DYNC1LI1: variants seen among roughly 807,000 people sequenced by gnomAD.
The protein encoded by DYNC1LI1 is dynein cytoplasmic 1 light intermediate chain 1.
In DYNC1LI1, 19 loss-of-function variants were observed where a neutral mutation model predicts 63.8. That is an observed-to-expected ratio of 0.30 (90% CI 0.21 to 0.44). The LOEUF is 0.44. DYNC1LI1 is among the 20% of genes least tolerant of loss of function. The probability of loss-of-function intolerance (pLI) is 1.00; values close to 1 mark genes in which losing one functional copy is unlikely to be tolerated. For synonymous variants in DYNC1LI1, 225 were observed against 232.3 expected, an observed-to-expected ratio of 0.97 and a Z score of 0.28; for missense variants, 565 against 630.2, an observed-to-expected ratio of 0.90 and a Z score of 1.11.
At chr3:32,545,661 A>C in intron 3 of DYNC1LI1, 188 bp downstream of exon 3, 1 of 592,368 alleles carries the variant, frequency 1.7e-6, no homozygotes, top group Non-Finnish European at 3.0e-6. Context: ...TAAGATGCTT[A>C]AAAGTATCAT....
At chr3:32,543,882 T>C (rs1249436297) in intron 4 of DYNC1LI1, among the ~76,000 whole-genome samples, 1 of 149,806 alleles carries the variant, frequency 6.7e-6, no homozygotes, top group Non-Finnish European at 1.5e-5. Context: ...CTGGGCAACA[T>C]GGCAAAACCC....
chr3:32,557,042 C>T (rs1348589164), intron 2 of DYNC1LI1, among the ~76,000 whole-genome samples: 1 of 152,168 alleles, frequency 6.6e-6, no homozygotes, highest in Non-Finnish European at 1.5e-5. Context: ...CTTAGGAAAA[C>T]TTTTTCTAGC....
intron 8 of DYNC1LI1, chr3:32,532,422 T>C (rs1401523228): frequency 6.8e-6 from 1 of 147,388 alleles, no homozygotes; most frequent in African/African-American, 2.5e-5. Flanking sequence ...GCTGAGATCA[T>C]GCCATTTTAC....
chr3:32,556,550 C>G (rs1455266662), intron 2 of DYNC1LI1, among the ~76,000 whole-genome samples: 1 of 151,968 alleles, frequency 6.6e-6, no homozygotes, highest in Non-Finnish European at 1.5e-5. Flanking sequence ...CTTCTTGTTT[C>G]TCTGTTTTGT....
At chr3:32,552,696 CTGTTGTTGT>C (rs537165508) in intron 2 of DYNC1LI1, among the ~76,000 whole-genome samples, 4 of 151,906 alleles carry the variant, frequency 2.6e-5, no homozygotes, top group African/African-American at 4.8e-5. Context: ...TATACTTTTG[CTGTTGTTGT>C]TGTTGTTGTT....
rs1178579356 is a variant in DYNC1LI1 at position 32,553,422 on chromosome 3, T to A, written c.221-7457A>T. On this transcript the variant is annotated intron_variant, in intron 2 of 12. Coordinates refer to ENST00000273130, the MANE Select transcript of DYNC1LI1 (RefSeq NM_016141.4). ...CAAAAATTGATCCAAGTTTCACAAA[T>A]CCCTAAATGCAGGATACAAATTTCG... Among the ~76,000 whole-genome samples, 4 of 152,046 alleles carry A rather than the reference T, an allele frequency of 2.6e-5. No individual in the cohort carries two copies. In the South Asian group the frequency reaches 8.3e-4, roughly 32 times the overall value.
intron 2 of DYNC1LI1, among the ~76,000 whole-genome samples, chr3:32,558,660 A>G (rs1698149317): frequency 6.6e-6 from 1 of 152,100 alleles, no homozygotes; most frequent in African/African-American, 2.4e-5. Flanking sequence ...AGCCTGACCA[A>G]CATGGAGAAA....
At chr3:32,559,280 G>A (rs1698158285) in intron 2 of DYNC1LI1, among the ~76,000 whole-genome samples, 1 of 151,998 alleles carries the variant, frequency 6.6e-6, no homozygotes, top group Admixed American at 6.6e-5. Flanking sequence ...CAACTCTGTT[G>A]CCCAGGCTGG....
At chr3:32,538,699 T>TAA (rs879362584) in intron 5 of DYNC1LI1, among the ~76,000 whole-genome samples, 1 of 140,580 alleles carries the variant, frequency 7.1e-6, no homozygotes. Context: ...AGGCTCCATA[T>TAA]AAAAAAAAAA....
chr3:32,536,396 T>C (rs968338288), intron 6 of DYNC1LI1, among the ~76,000 whole-genome samples: 2 of 152,166 alleles, frequency 1.3e-5, no homozygotes, highest in Admixed American at 1.3e-4. Context: ...CTCTAAAAAG[T>C]ACTCACTTTT....
intron 2 of DYNC1LI1, among the ~76,000 whole-genome samples, chr3:32,553,792 C>T (rs1277381963): frequency 6.6e-6 from 1 of 152,206 alleles, no homozygotes; most frequent in Non-Finnish European, 1.5e-5. Flanking sequence ...AGTTAAGTAC[C>T]TTATCCAAGT....
chr3:32,526,838 G>A lies in DYNC1LI1; in HGVS notation c.1533C>T (p.Pro511=). ...RITRKPVTVS[P]TTPTSPTEGE... The stretch of plus-strand genomic sequence containing the variant: ...CTTCCGTAGGAGATGTAGGTGTTGT[G>A]GGAGAAACTGTAACTGGTTTTCGTG... Residue 511 remains proline, a synonymous_variant, in exon 13 of 13, where the codon CCC becomes CCT. Transcript: ENST00000273130. The A allele has an allele frequency of 6.2e-7, 1 of 1,613,848 alleles. No individual in the cohort carries two copies. The highest frequency in any genetic ancestry group is 8.5e-7 in the Non-Finnish European group (1 of 1,179,822).
At chr3:32,553,329 C>T (rs1299750118) in intron 2 of DYNC1LI1, among the ~76,000 whole-genome samples, 1 of 152,120 alleles carries the variant, frequency 6.6e-6, no homozygotes, top group East Asian at 1.9e-4. Context: ...GAGTGAGACA[C>T]TATCCCAAAA....
chr3:32,557,840 T>C (rs749411612), intron 2 of DYNC1LI1, among the ~76,000 whole-genome samples: 3 of 152,162 alleles, frequency 2.0e-5, no homozygotes. Flanking sequence ...GGCAGCCAAA[T>C]AGTTAACGAT....
chr3:32,538,822 G>A (rs1433996254), intron 5 of DYNC1LI1, among the ~76,000 whole-genome samples: 4 of 152,020 alleles, frequency 2.6e-5, no homozygotes, highest in African/African-American at 9.7e-5. Context: ...TAAACTGATG[G>A]CGTTGAACCA....
chr3:32,561,045 A>C (rs1468977280), intron 2 of DYNC1LI1, among the ~76,000 whole-genome samples: 6 of 149,042 alleles, frequency 4.0e-5, no homozygotes, highest in East Asian at 2.0e-4. Context: ...AAACAAAAAA[A>C]ACACACACAC....
At chr3:32,538,494 A>C (rs1481797243) in intron 5 of DYNC1LI1, among the ~76,000 whole-genome samples, 1 of 151,936 alleles carries the variant, frequency 6.6e-6, no homozygotes. Flanking sequence ...AGGTCAGGAG[A>C]TCGAGACCAT....
In DYNC1LI1 at chr3:32,544,952, T is replaced by C. The variant is rs1697932592; in HGVS notation, c.492A>G (p.Lys164=). 1 of 1,613,994 alleles carries C rather than the reference T, an allele frequency of 6.2e-7. No individual in the cohort carries two copies. The highest frequency in any genetic ancestry group is 1.3e-5 in the African/African-American group (1 of 74,926). ...KPWTALDSLQ[K]WASVVREHVD... ...CATGTTCTCTAACAACACTTGCCCATTTCTGTAAAGAATCCAAAGCAGTCC... is the reference window on the plus strand; with the variant it reads ...CATGTTCTCTAACAACACTTGCCCACTTCTGTAAAGAATCCAAAGCAGTCC... Residue 164 remains lysine (K), a synonymous_variant, in exon 4 of 13, where the codon AAA becomes AAG. Coordinates refer to ENST00000273130, the MANE Select transcript of DYNC1LI1 (RefSeq NM_016141.4).
At chr3:32,550,269 T>C (rs544380297) in intron 2 of DYNC1LI1, among the ~76,000 whole-genome samples, 1 of 152,222 alleles carries the variant, frequency 6.6e-6, no homozygotes, top group African/African-American at 2.4e-5. Flanking sequence ...CCGTCTCTAC[T>C]AAAAATACAA....
Sources: allele counts gnomAD v4.1 joint callset (sites outside exome capture counted in the v4.1 genomes callset), GRCh38; gene constraint gnomAD v4.1.1; transcripts MANE v1.5; gene names NCBI Gene and HGNC (gene_info 2026-07-23, HGNC 2026-07-21).